The following DYNC2H1 variants were observed in gnomAD, a reference collection of about 807,000 sequenced individuals.
DYNC2H1 encodes the protein cytoplasmic dynein 2 heavy chain 1.
Under a neutral mutation model 570.0 loss-of-function variants are expected in DYNC2H1, and 410 were observed. The ratio of observed to expected loss-of-function variants is 0.72; its 90% CI spans 0.66 to 0.78. DYNC2H1 has a LOEUF of 0.78. DYNC2H1 is among the 30% of genes least tolerant of loss of function. DYNC2H1 has a pLI of 0.00. For synonymous variants in DYNC2H1, 1,688 were observed against 1,677.6 expected, an observed-to-expected ratio of 1.01 and a Z score of -0.15; for missense variants, 4,865 against 5,046.4, an observed-to-expected ratio of 0.96 and a Z score of 1.09.
intron 17 of DYNC2H1, among the ~76,000 whole-genome samples, chr11:103,142,655 C>T (rs77642175): frequency 0.025 from 3,800 of 151,892 alleles, 176 homozygotes; most frequent in African/African-American, 0.084. Context: ...GGTGGCAGAG[C>T]GAGACTCCAT....
At chr11:103,361,099 T>G (rs1235046962) in intron 83 of DYNC2H1, among the ~76,000 whole-genome samples, 2 of 152,154 alleles carry the variant, frequency 1.3e-5, no homozygotes, top group Non-Finnish European at 2.9e-5. Context: ...GACCAAAGGA[T>G]AGAGTAGATG....
rs1862045399 is a variant in DYNC2H1, at chr11:103,185,899, G to C, written c.6634-343G>C. 6.6e-6 allele frequency among the ~76,000 whole-genome samples: 1 copy of C among 151,906 alleles called. No individual in the cohort carries two copies. Among genetic ancestry groups the C allele is most frequent in the Non-Finnish European group, 1.5e-5 (1 of 67,920 alleles). ...AGTGACACTGTGATGGACAGTACCA[G>C]GATATGGCAGAAATGAAGGGCTTTA... On this transcript the variant is annotated intron_variant, in intron 41 of 88. Transcript: ENST00000375735. The surrounding 1 kb of genome is among the most constrained non-coding windows in gnomAD (Gnocchi z 4.5).
chr11:103,450,460 C>T (rs927462643), intron 85 of DYNC2H1, among the ~76,000 whole-genome samples: 1 of 152,162 alleles, frequency 6.6e-6, no homozygotes, highest in Non-Finnish European at 1.5e-5. Context: ...CTAAATAAAT[C>T]TAACAGAATT....
chr11:103,288,087 A>G (rs895733943), intron 75 of DYNC2H1, among the ~76,000 whole-genome samples: 3 of 151,768 alleles, frequency 2.0e-5, no homozygotes, highest in African/African-American at 7.3e-5. Flanking sequence ...GATCACAGAA[A>G]TGGTTAGGTT....
chr11:103,171,046 T>G lies in DYNC2H1; in HGVS notation c.5312T>G (p.Val1771Gly). 1 of 1,602,250 alleles carries G rather than the reference T, an allele frequency of 6.2e-7. No individual in the cohort carries two copies. Among genetic ancestry groups the G allele is most frequent in the Non-Finnish European group, 8.5e-7 (1 of 1,172,588 alleles). Residue 1771 changes from valine to glycine, a missense_variant, in exon 34 of 89, where the codon GTA (valine) becomes GGA (glycine). Transcript: ENST00000375735. The part of the protein sequence containing the change: ...IQDALKNHRT[V>G]CELLGKEVEV... The stretch of plus-strand genomic sequence containing the variant: ...GATGCTTTGAAGAATCATAGAACTG[T>G]ATGTGAACTGCTTGGCAAGGAGGTA...
chr11:103,315,268 G>T (rs1937759149), intron 79 of DYNC2H1, among the ~76,000 whole-genome samples: 1 of 152,040 alleles, frequency 6.6e-6, no homozygotes, highest in East Asian at 1.9e-4. Context: ...AGCTTCCCAA[G>T]TGCACAGATA....
chr11:103,396,521 C>T (rs1300212802), intron 83 of DYNC2H1, among the ~76,000 whole-genome samples: 1 of 152,096 alleles, frequency 6.6e-6, no homozygotes, highest in African/African-American at 2.4e-5. Context: ...ACTCTGCTGA[C>T]AAAAATTCTT....
chr11:103,136,362 C>T (rs1292006611), intron 17 of DYNC2H1, among the ~76,000 whole-genome samples: 1 of 151,538 alleles, frequency 6.6e-6, no homozygotes, highest in African/African-American at 2.4e-5. Flanking sequence ...TCTCCTAATA[C>T]TATCCCTCCC....
At chr11:103,196,730 T>A (rs1862520965) in intron 47 of DYNC2H1, among the ~76,000 whole-genome samples, 1 of 152,024 alleles carries the variant, frequency 6.6e-6, no homozygotes, top group Non-Finnish European at 1.5e-5. Flanking sequence ...ATAAGTAGGG[T>A]TACATAGATG....
intron 85 of DYNC2H1, among the ~76,000 whole-genome samples, chr11:103,453,778 A>G (rs1470930277): frequency 6.6e-6 from 1 of 151,634 alleles, no homozygotes; most frequent in Non-Finnish European, 1.5e-5. Context: ...AAATAACAGG[A>G]ATAAATATTA....
chr11:103,462,484 C>A (rs749740583), intron 87 of DYNC2H1, among the ~76,000 whole-genome samples: 4 of 152,134 alleles, frequency 2.6e-5, no homozygotes, highest in South Asian at 2.1e-4. Flanking sequence ...ATCAGTATTT[C>A]ATCTAATAGA....
intron 87 of DYNC2H1, among the ~76,000 whole-genome samples, chr11:103,460,637 TTTA>T (rs1195371959): frequency 7.1e-6 from 1 of 141,350 alleles, no homozygotes; most frequent in Non-Finnish European, 1.6e-5. Context: ...CATTGACATG[TTTA>T]TTATGAGGAT....
rs1160771296 is a variant in DYNC2H1 at position 103,436,121 on chromosome 11, T to A, written c.12456+89T>A. On this transcript the variant is annotated intron_variant, in intron 85 of 88. Transcript: ENST00000375735. ...CCATTGTGCTAATCACTAGTGAGAA[T>A]TACACTATGATTTTGCACATAAAAC... 7.3e-6 allele frequency: 8 copies of A among 1,093,254 alleles called. No homozygotes were observed. The East Asian group carries it at 2.0e-4, about 28-fold the overall frequency. The allele number at this position is 1,093,254 out of a possible 1,614,324, so 67.7% of individuals were successfully genotyped here. A position where few individuals can be genotyped will look rare whatever the true frequency, so the allele number is the denominator to read the frequency against.
At position 103,113,589 on chromosome 11, in the gene DYNC2H1, C is replaced by A; in HGVS notation, c.248C>A (p.Pro83His). The A allele has an allele frequency of 6.3e-7, 1 of 1,577,990 alleles. No homozygotes were observed. The highest frequency in any genetic ancestry group is 8.6e-7 in the Non-Finnish European group (1 of 1,166,754). The change falls in exon 2 of 89, where the codon CCT (proline) becomes CAT (histidine). Residue 83 changes from proline to histidine, a missense_variant. Pro to His is a moderately conservative substitution (Grantham distance 77). Transcript: ENST00000375735. ...DKVLVFFKLR[P>H]EVITDENLHD... ...GTGCTGGTGTTTTTCAAGCTGCGACCTGAAGTAATTACTGATGAGAATCTA... is the reference window on the plus strand; with the variant it reads ...GTGCTGGTGTTTTTCAAGCTGCGACATGAAGTAATTACTGATGAGAATCTA...
chr11:103,113,404 G>T, intron 1 of DYNC2H1, 133 bp from the exon 2 acceptor site: 1 of 577,572 alleles, frequency 1.7e-6, no homozygotes, highest in Non-Finnish European at 2.7e-6. Flanking sequence ...GAGATAAATT[G>T]GTTTTAATAT....
chr11:103,162,994 T>C, intron 29 of DYNC2H1, 34 bp from the exon 30 acceptor site: 2 of 1,571,068 alleles, frequency 1.3e-6, no homozygotes, highest in Non-Finnish European at 1.7e-6. Context: ...TTATTTTATG[T>C]CTTGTTTATA....
intron 30 of DYNC2H1, among the ~76,000 whole-genome samples, chr11:103,165,471 G>C (rs983225580): frequency 6.6e-6 from 1 of 152,100 alleles, no homozygotes; most frequent in African/African-American, 2.4e-5. Flanking sequence ...TTTTGCTATC[G>C]TAGACTTCAG....
intron 59 of DYNC2H1, among the ~76,000 whole-genome samples, chr11:103,224,447 T>TA (rs2135162670): frequency 6.6e-6 from 1 of 152,316 alleles, no homozygotes; most frequent in Non-Finnish European, 1.5e-5. Context: ...GCCTCATTCT[T>TA]ACGCCTTTGC....
chr11:103,244,524 A>G lies in DYNC2H1; in HGVS notation c.9919-727A>G, dbSNP rs1864534556. Among the ~76,000 whole-genome samples, 1 of 149,494 alleles carries G rather than the reference A, an allele frequency of 6.7e-6. No homozygotes were observed. The highest frequency in any genetic ancestry group is 2.4e-5 in the African/African-American group (1 of 41,092). On this transcript the variant is annotated intron_variant, in intron 64 of 88. Coordinates refer to ENST00000375735, the MANE Select transcript of DYNC2H1 (RefSeq NM_001377.3). The surrounding 1 kb of genome is among the most constrained non-coding windows in gnomAD (Gnocchi z 4.3). ...TAATATATAAAATACTTTAATAATC[A>G]TTTATGGCTTGCATATATGCAAATC...
Sources: allele counts gnomAD v4.1 joint callset (sites outside exome capture counted in the v4.1 genomes callset), GRCh38; gene constraint gnomAD v4.1.1; non-coding constraint Gnocchi (gnomAD v3.1); transcripts MANE v1.5; gene names NCBI Gene and HGNC (gene_info 2026-07-23, HGNC 2026-07-21).